MAP3K3: variants seen among roughly 807,000 people sequenced by gnomAD.
The protein encoded by MAP3K3 is MAP/ERK kinase kinase 3.
In MAP3K3, 12 loss-of-function variants were observed where a neutral mutation model predicts 80.9. The observed-to-expected ratio is 0.15, with a 90% CI of 0.10 to 0.24. The LOEUF is 0.24. Among genes scored for constraint, MAP3K3 ranks in the 10% least tolerant of loss-of-function variants. The pLI, the probability that MAP3K3 is intolerant of heterozygous loss-of-function variation, is 1.00. For synonymous variants in MAP3K3, 272 were observed against 307.1 expected, an observed-to-expected ratio of 0.89 and a Z score of 1.19; for missense variants, 596 against 834.7, an observed-to-expected ratio of 0.71 and a Z score of 3.52.
chr17:63,649,164 C>T (rs2034598203), intron 3 of MAP3K3, among the ~76,000 whole-genome samples: 1 of 151,566 alleles, frequency 6.6e-6, no homozygotes, highest in Non-Finnish European at 1.5e-5. Flanking sequence ...GGGCCAGGTA[C>T]AGAGGCTCAC....
chr17:63,667,494 A>T (rs181732810), intron 6 of MAP3K3, among the ~76,000 whole-genome samples: 1 of 152,200 alleles, frequency 6.6e-6, no homozygotes, highest in South Asian at 2.1e-4. Flanking sequence ...ATAGTGACCA[A>T]TGAAACTTTT....
intron 3 of MAP3K3, among the ~76,000 whole-genome samples, chr17:63,651,599 T>A (rs893990071): frequency 6.6e-6 from 1 of 152,230 alleles, no homozygotes; most frequent in African/African-American, 2.4e-5. Context: ...TACTAACATT[T>A]TCCCAGTCTT....
At position 63,692,690 on chromosome 17, in the gene MAP3K3, C is replaced by A; in HGVS notation, c.1652+271C>A. On this transcript the variant is annotated intron_variant, in intron 15 of 15. Coordinates refer to ENST00000361733, the MANE Select transcript of MAP3K3 (RefSeq NM_002401.5). The surrounding 1 kb of genome is among the most constrained non-coding windows in gnomAD (Gnocchi z 4.5). ...AAGGAAGCAGGATCCACTCTGAAGGCCTGAAGGCCTGGACCAGTCTCTCAA... is the reference window on the plus strand; with the variant it reads ...AAGGAAGCAGGATCCACTCTGAAGGACTGAAGGCCTGGACCAGTCTCTCAA... Among the ~76,000 whole-genome samples the A allele has an allele frequency of 6.7e-6, 1 of 148,376 alleles. No homozygotes were observed. Among genetic ancestry groups the A allele is most frequent in the Non-Finnish European group, 1.5e-5 (1 of 68,000 alleles).
At chr17:63,667,163 C>G in intron 6 of MAP3K3, 103 bp downstream of exon 6, 1 of 1,299,798 alleles carries the variant, frequency 7.7e-7, no homozygotes, top group Non-Finnish European at 1.0e-6. Context: ...TATTTATTAA[C>G]TATTACTCTG....
chr17:63,692,205 G>C lies in MAP3K3; in HGVS notation c.1475-37G>C. On this transcript the variant is annotated intron_variant, in intron 14 of 15. Transcript: ENST00000361733. The surrounding 1 kb of genome is among the most constrained non-coding windows in gnomAD (Gnocchi z 4.5). ...GGGAGGATGGGAGAAAATGCAAGAGGGTCCAGGGTTGCAGCCTCTGCCCTT... is the reference window on the plus strand; with the variant it reads ...GGGAGGATGGGAGAAAATGCAAGAGCGTCCAGGGTTGCAGCCTCTGCCCTT... The C allele has an allele frequency of 6.2e-7, 1 of 1,610,414 alleles. No homozygotes were observed. The highest frequency in any genetic ancestry group is 8.5e-7 in the Non-Finnish European group (1 of 1,178,546).
At chr17:63,640,945 A>AC (rs1461562285) in intron 2 of MAP3K3, among the ~76,000 whole-genome samples, 1 of 152,014 alleles carries the variant, frequency 6.6e-6, no homozygotes, top group Admixed American at 6.6e-5. Context: ...TGTCTCAGAC[A>AC]CCCCCCACTC....
chr17:63,622,685 C>T lies in MAP3K3; in HGVS notation c.-75C>T. On this transcript the variant is annotated 5_prime_UTR_variant, in exon 1 of 16. Coordinates refer to ENST00000361733, the MANE Select transcript of MAP3K3 (RefSeq NM_002401.5). ...CAGGCCCGCTGCCGTCCCCGCCGCC[C>T]GGGCCCCCGGCATGCAGCCCCGGCT... The T allele has an allele frequency of 4.9e-6, 2 of 407,518 alleles. No individual in the cohort carries two copies. The highest frequency in any genetic ancestry group is 1.8e-5 in the South Asian group (1 of 55,552). 25.2% of individuals were successfully genotyped at this position (407,518 alleles called of 1,614,324 possible).
Position 63,657,404 on chromosome 17 carries a change from T to C in MAP3K3, c.268-390T>C, listed in dbSNP as rs113495845. Among the ~76,000 whole-genome samples the C allele has an allele frequency of 6.2e-3, 950 of 152,130 alleles. 9 individuals are homozygous for C. The highest frequency in any genetic ancestry group is 9.8e-3 in the Non-Finnish European group (666 of 67,988). On this transcript the variant is annotated intron_variant, in intron 4 of 15. Coordinates refer to ENST00000361733, the MANE Select transcript of MAP3K3 (RefSeq NM_002401.5). ...ATGAATTGAATTGAATATGTATGAA[T>C]TGTATGAGTCTAAATGGAATGAAAT... is the stretch of plus-strand genomic sequence containing the variant.
rs539430849 is a variant in MAP3K3, at chr17:63,667,165, A to G, written c.502+105A>G. 18 of 1,295,746 alleles carry G rather than the reference A, an allele frequency of 1.4e-5. No homozygotes were observed. In the Admixed American group the frequency reaches 1.8e-4, roughly 13 times the overall value. The allele number at this position is 1,295,746 out of a possible 1,614,324, so 80.3% of individuals were successfully genotyped here. A position where few individuals can be genotyped will look rare whatever the true frequency, so the allele number is the denominator to read the frequency against. On this transcript the variant is annotated intron_variant, in intron 6 of 15. Coordinates refer to ENST00000361733, the MANE Select transcript of MAP3K3 (RefSeq NM_002401.5). ...AATAATCATCAAATATTTATTAACTATTACTCTGTGTAGAGTAATCCTTTA... is the reference window on the plus strand; with the variant it reads ...AATAATCATCAAATATTTATTAACTGTTACTCTGTGTAGAGTAATCCTTTA...
chr17:63,623,786 T>C (rs73335888), intron 1 of MAP3K3, among the ~76,000 whole-genome samples: 1,892 of 152,330 alleles, frequency 0.012, 46 homozygotes, highest in African/African-American at 0.043. Flanking sequence ...CCCTAAATAA[T>C]AATAAAAGGG....
intron 2 of MAP3K3, among the ~76,000 whole-genome samples, chr17:63,639,219 C>T (rs1184644351): frequency 6.6e-6 from 1 of 152,054 alleles, no homozygotes; most frequent in Non-Finnish European, 1.5e-5. Flanking sequence ...GGAGTCATTT[C>T]AGGTGGAAGG....
chr17:63,668,834 A>G (rs2035047659), intron 6 of MAP3K3, among the ~76,000 whole-genome samples: 1 of 152,172 alleles, frequency 6.6e-6, no homozygotes, highest in Admixed American at 6.5e-5. Flanking sequence ...AGCATTAAGT[A>G]CCAGCTGTTG....
intron 5 of MAP3K3, among the ~76,000 whole-genome samples, chr17:63,663,487 C>T (rs1463876662): frequency 6.8e-6 from 1 of 147,288 alleles, no homozygotes; most frequent in South Asian, 2.1e-4. Context: ...GGGCGATGAG[C>T]GAAACTCCGT....
rs117716029 is a variant in MAP3K3 at position 63,643,247 on chromosome 17, G to A, written c.127-2787G>A. 2.9e-3 allele frequency among the ~76,000 whole-genome samples: 447 copies of A among 152,094 alleles called. 15 individuals carry two copies. The East Asian group carries it at 0.073, about 25-fold the overall frequency. On this transcript the variant is annotated intron_variant, in intron 2 of 15. Coordinates refer to ENST00000361733, the MANE Select transcript of MAP3K3 (RefSeq NM_002401.5). Reference sequence around the variant, plus strand: ...TGGCTGGGTGTGGTGGCTCATGCCTGTAATCCCAGCACTTTGGGAGGCTGA... The same window carrying A: ...TGGCTGGGTGTGGTGGCTCATGCCTATAATCCCAGCACTTTGGGAGGCTGA...
At chr17:63,639,174 G>A (rs1383817385) in intron 2 of MAP3K3, among the ~76,000 whole-genome samples, 1 of 152,158 alleles carries the variant, frequency 6.6e-6, no homozygotes, top group African/African-American at 2.4e-5. Flanking sequence ...AGAAGGCCAG[G>A]AAAATGAAAG....
intron 2 of MAP3K3, chr17:63,634,835 G>A (rs892505545): frequency 6.4e-7 from 1 of 1,562,536 alleles, no homozygotes; most frequent in Non-Finnish European, 8.8e-7. Flanking sequence ...AAGCCAAAAT[G>A]TACTTTTAAA....
chr17:63,679,393 C>A (rs1182685553), intron 6 of MAP3K3, among the ~76,000 whole-genome samples: 1 of 152,220 alleles, frequency 6.6e-6, no homozygotes, highest in African/African-American at 2.4e-5. Context: ...CTGGACTGGG[C>A]TCTTGAGCAC....
At chr17:63,644,259 G>A (rs1367238115) in intron 2 of MAP3K3, among the ~76,000 whole-genome samples, 2 of 152,290 alleles carry the variant, frequency 1.3e-5, no homozygotes, top group East Asian at 3.9e-4. Context: ...CTGTCACCCA[G>A]ACTGGAGTGC....
At chr17:63,631,332 G>C (rs1468249029) in intron 1 of MAP3K3, among the ~76,000 whole-genome samples, 1 of 152,124 alleles carries the variant, frequency 6.6e-6, no homozygotes, top group Non-Finnish European at 1.5e-5. Flanking sequence ...GAAGAGACTT[G>C]AGCAGTTTTA....
Sources: gnomAD v4.1 joint callset for allele counts (sites outside exome capture counted in the v4.1 genomes callset) on GRCh38, gnomAD v4.1.1 for gene constraint, Gnocchi (gnomAD v3.1) non-coding constraint, MANE v1.5 for transcripts, NCBI Gene and HGNC (gene_info 2026-07-23, HGNC 2026-07-21) for gene names.